Variants in INTS6 observed in about 807,000 individuals in gnomAD.
The protein encoded by INTS6 is integrator complex subunit 6, also known as DEAD box protein.
Under a neutral mutation model 104.9 loss-of-function variants are expected in INTS6, and 16 were observed. The ratio of observed to expected loss-of-function variants is 0.15; its 90% CI spans 0.10 to 0.23. INTS6 has a LOEUF of 0.23. Among genes scored for constraint, INTS6 ranks in the 10% least tolerant of loss-of-function variants. The pLI is 1.00. For synonymous variants in INTS6, 324 were observed against 358.7 expected (o/e 0.90, Z 1.09); for missense variants, 584 against 1,062.8 (o/e 0.55, Z 6.26).
chr13:51,346,953 C>T, the INTS6 span: 8 of 1,150,966 alleles, frequency 7.0e-6, no homozygotes, highest in Admixed American at 2.0e-5. Flanking sequence ...ACTCCTTGTC[C>T]GCACACACAC....
intron 3 of INTS6, among the ~76,000 whole-genome samples, chr13:51,434,314 T>C (rs1311256434): frequency 1.3e-5 from 2 of 152,186 alleles, no homozygotes; most frequent in African/African-American, 4.8e-5. Flanking sequence ...TAATGTTTAC[T>C]TTTAAAAACA....
downstream of INTS6, among the ~76,000 whole-genome samples, chr13:51,351,761 T>A (rs1955405484): frequency 6.6e-6 from 1 of 152,156 alleles, no homozygotes; most frequent in Admixed American, 6.5e-5. Context: ...CCAAGAACTT[T>A]ATAGGCTTAG....
chr13:51,387,170 C>T (rs1006486051), intron 7 of INTS6, among the ~76,000 whole-genome samples: 1 of 152,070 alleles, frequency 6.6e-6, no homozygotes, highest in Non-Finnish European at 1.5e-5. Context: ...AGATTCTAAA[C>T]GAAGGAGATG....
chr13:51,419,340 T>C (rs1422911965), intron 4 of INTS6, among the ~76,000 whole-genome samples: 1 of 152,182 alleles, frequency 6.6e-6, no homozygotes, highest in Non-Finnish European at 1.5e-5. Context: ...TTTTCATCAA[T>C]CTGTAAGACA....
rs971795554 is a variant in INTS6 at position 51,450,221 on chromosome 13, A to T, written c.339+804T>A. ...ATAATATTCCTTTGTTACATGTAAC[A>T]TTATACATTGTTCAGTATCTTTTAT... On this transcript the variant is annotated intron_variant, in intron 3 of 17. Coordinates refer to ENST00000311234, the MANE Select transcript of INTS6 (RefSeq NM_012141.3). The T allele has an allele frequency of 6.1e-6, 6 of 984,984 alleles. No homozygotes were observed. The African/African-American group carries it at 1.0e-4, about 17-fold the overall frequency. The allele number at this position is 984,984 out of a possible 1,614,324, so 61.0% of individuals were successfully genotyped here. A position where few individuals can be genotyped will look rare whatever the true frequency, so the allele number is the denominator to read the frequency against.
intron 17 of INTS6, 121 bp from the exon 18 acceptor site, chr13:51,365,966 A>G: frequency 1.8e-6 from 1 of 544,354 alleles, no homozygotes; most frequent in South Asian, 2.8e-5. Flanking sequence ...ATGAAAATAG[A>G]AAAATCAATA....
At chr13:51,348,495 G>T in the INTS6 span, 2 of 1,167,988 alleles carry the variant, frequency 1.7e-6, no homozygotes, top group East Asian at 2.4e-5. Context: ...TCTGCCTCCA[G>T]GGTCTGTGCT....
At chr13:51,350,199 AG>A (rs1253452537), downstream of INTS6, among the ~76,000 whole-genome samples, 2 of 152,182 alleles carry the variant, frequency 1.3e-5, no homozygotes, top group African/African-American at 4.8e-5. Flanking sequence ...ATGTGCTTTC[AG>A]GTTAGACATC....
intron 3 of INTS6, chr13:51,444,252 ATTTTTTTTTTTTTTTTTT>A (rs57566246): frequency 4.6e-4 from 25 of 54,414 alleles, no homozygotes; most frequent in African/African-American, 2.3e-3. Flanking sequence ...CCCCCAGCTA[ATTTTTTTTTTTTTTTTTT>A]TTTTTTTTTT....
In INTS6 at chr13:51,452,243, G is replaced by GGCCGAACCCGGCTC. The variant is rs1953076655; in HGVS notation, c.111+158_111+171dup. 1 of 710,340 alleles carries GGCCGAACCCGGCTC rather than the reference G, an allele frequency of 1.4e-6. No homozygotes were observed. Among genetic ancestry groups the GGCCGAACCCGGCTC allele is most frequent in the African/African-American group, 1.9e-5 (1 of 52,990 alleles). The allele number at this position is 710,340 out of a possible 1,614,324, so 44.0% of individuals were successfully genotyped here. ...CGCCCGGGGCCGGAGCCCGGGCCCC[G>GGCCGAACCCGGCTC]GCCGAACCCGGCTCGCAGCGCCCGC... On this transcript the variant is annotated intron_variant, in intron 1 of 17. Coordinates refer to ENST00000311234, the MANE Select transcript of INTS6 (RefSeq NM_012141.3). This position sits in a 1 kb window ranked among gnomAD's most constrained non-coding sequence, Gnocchi z 4.2.
Position 51,364,934 on chromosome 13 carries a change from T to C in INTS6, c.*818A>G, listed in dbSNP as rs1424990713. The stretch of plus-strand genomic sequence containing the variant: ...GTAAGGAAACCAATAATATCCAAAG[T>C]TGTTTGCTTTTTAAATAGCTTTTAA... On this transcript the variant is annotated 3_prime_UTR_variant, in exon 18 of 18. Transcript: ENST00000311234. The C allele has an allele frequency of 6.6e-6, 1 of 152,452 alleles. No homozygotes were observed. Among genetic ancestry groups the C allele is most frequent in the Non-Finnish European group, 1.5e-5 (1 of 67,978 alleles). 9.4% of individuals were successfully genotyped at this position (152,452 alleles called of 1,614,324 possible).
intron 4 of INTS6, among the ~76,000 whole-genome samples, chr13:51,410,362 T>A (rs944729075): frequency 6.6e-6 from 1 of 152,200 alleles, no homozygotes; most frequent in African/African-American, 2.4e-5. Flanking sequence ...CATGTTGTAT[T>A]GCCGAAGACA....
chr13:51,404,101 CACAGAGAG>C (rs1167124903), intron 4 of INTS6, among the ~76,000 whole-genome samples: 2 of 129,896 alleles, frequency 1.5e-5, no homozygotes, highest in Non-Finnish European at 3.2e-5. Context: ...CACACACACA[CACAGAGAG>C]AGAGAGAGAG....
At chr13:51,400,030 G>A (rs1354356519) in intron 4 of INTS6, among the ~76,000 whole-genome samples, 1 of 152,216 alleles carries the variant, frequency 6.6e-6, no homozygotes, top group Admixed American at 6.5e-5. Flanking sequence ...TCCACCTCCT[G>A]TCAGATCAGC....
At chr13:51,412,841 C>A (rs924603191) in intron 4 of INTS6, among the ~76,000 whole-genome samples, 10 of 152,128 alleles carry the variant, frequency 6.6e-5, no homozygotes, top group Non-Finnish European at 5.9e-5. Flanking sequence ...TGATAAAGAA[C>A]TAATGCTATC....
chr13:51,404,063 T>TACACACACACACACACACACACAC (rs71085082), intron 4 of INTS6, among the ~76,000 whole-genome samples: 1 of 109,646 alleles, frequency 9.1e-6, no homozygotes, highest in Non-Finnish European at 1.7e-5. Flanking sequence ...TCTCTACAAA[T>TACACACACACACACACACACACAC]ACACACACAC....
the INTS6 span, chr13:51,347,290 C>T: frequency 2.7e-6 from 4 of 1,494,228 alleles, no homozygotes; most frequent in Non-Finnish European, 3.7e-6. Context: ...GGCCTGAGGG[C>T]AGGAGAGAGG....
chr13:51,438,237 T>C (rs1952729336), intron 3 of INTS6: 1 of 152,142 alleles, frequency 6.6e-6, no homozygotes, highest in South Asian at 2.1e-4. Context: ...GAAACATTTA[T>C]TGATGCTTGT....
At chr13:51,405,046 G>C (rs1956535708) in intron 4 of INTS6, among the ~76,000 whole-genome samples, 1 of 152,264 alleles carries the variant, frequency 6.6e-6, no homozygotes, top group South Asian at 2.1e-4. Context: ...ACAAACCAGG[G>C]AAGACTTCTC....
Sources: gnomAD v4.1 joint callset for allele counts (sites outside exome capture counted in the v4.1 genomes callset) on GRCh38, gnomAD v4.1.1 for gene constraint, Gnocchi (gnomAD v3.1) non-coding constraint, MANE v1.5 for transcripts, NCBI Gene and HGNC (gene_info 2026-07-23, HGNC 2026-07-21) for gene names.